The following GALNT11 variants were observed in gnomAD, a reference collection of about 807,000 sequenced individuals.
GALNT11 encodes the protein UDP-GalNAc:polypeptide N-acetylgalactosaminyltransferase 11.
A neutral mutation model predicts 72.7 loss-of-function variants in GALNT11; 47 were observed. That is an observed-to-expected ratio of 0.65 (90% confidence interval 0.51 to 0.82). The LOEUF is 0.82. GALNT11 is among the 40% of genes least tolerant of loss of function. The pLI is 0.00. For synonymous variants in GALNT11, 270 were observed against 286.6 expected, an observed-to-expected ratio of 0.94 and a Z score of 0.58; for missense variants, 677 against 778.4, an observed-to-expected ratio of 0.87 and a Z score of 1.55.
intron 5 of GALNT11, among the ~76,000 whole-genome samples, 154 bp downstream of exon 5, chr7:152,105,524 TGTTCATAACGCCAA>T (rs2087445261): frequency 6.6e-6 from 1 of 152,226 alleles, no homozygotes; most frequent in African/African-American, 2.4e-5. Flanking sequence ...GGGAAAGACC[TGTTCATAACGCCAA>T]GCCTGCCATC....
At chr7:152,089,656 C>T (rs758892231) in intron 1 of GALNT11, among the ~76,000 whole-genome samples, 10 of 152,170 alleles carry the variant, frequency 6.6e-5, no homozygotes, top group Non-Finnish European at 1.5e-4. Context: ...CGAGCTGGAA[C>T]GTGCCCGTGA....
rs144232969 is a variant in GALNT11, at chr7:152,076,666, C to T, written c.-38-17524C>T. Among the ~76,000 whole-genome samples, 404 of 152,274 alleles carry T rather than the reference C, an allele frequency of 2.7e-3. 1 individual carries two copies. Among genetic ancestry groups the T allele is most frequent in the African/African-American group, 9.5e-3 (395 of 41,558 alleles). ...CCCTGTAGTTTGGGCCTGCCCTGCA[C>T]GTGGGCAGATGGGCTTCAGAAGCCA... On this transcript the variant is annotated intron_variant, in intron 1 of 11. Transcript: ENST00000430044.
intron 1 of GALNT11, among the ~76,000 whole-genome samples, chr7:152,086,961 C>T (rs2085687850): frequency 6.6e-6 from 1 of 152,100 alleles, no homozygotes; most frequent in Non-Finnish European, 1.5e-5. Context: ...TATTGCTTAG[C>T]CCAAACAAGA....
chr7:152,109,122 A>G (rs2087903470), intron 6 of GALNT11, among the ~76,000 whole-genome samples: 1 of 152,218 alleles, frequency 6.6e-6, no homozygotes, highest in Non-Finnish European at 1.5e-5. Flanking sequence ...TCTCCGCTTT[A>G]TGTTACCCTG....
At chr7:152,103,068 G>A (rs374411262) in intron 3 of GALNT11, 44 bp from the exon 4 acceptor site, 19 of 1,548,464 alleles carry the variant, frequency 1.2e-5, no homozygotes, top group Admixed American at 3.4e-5. Flanking sequence ...TAAACCATTC[G>A]AGCCTTTTAA....
At chr7:152,112,518 C>G (rs547379536) in intron 7 of GALNT11, among the ~76,000 whole-genome samples, 1 of 146,096 alleles carries the variant, frequency 6.8e-6, no homozygotes, top group Admixed American at 6.9e-5. Context: ...GCCGGGGGGA[C>G]AAGAGCGAGA....
intron 1 of GALNT11, among the ~76,000 whole-genome samples, chr7:152,049,477 C>G (rs138462666): frequency 1.1e-3 from 174 of 152,270 alleles, no homozygotes; most frequent in African/African-American, 4.0e-3. Flanking sequence ...CTTACTCTCT[C>G]CTAAACAAAT....
intron 2 of GALNT11, among the ~76,000 whole-genome samples, chr7:152,095,157 T>A (rs969765086): frequency 1.3e-5 from 2 of 151,740 alleles, no homozygotes; most frequent in Non-Finnish European, 2.9e-5. Flanking sequence ...ATATATAATA[T>A]AGTTTATGAA....
intron 7 of GALNT11, among the ~76,000 whole-genome samples, 188 bp downstream of exon 7, chr7:152,110,833 C>G (rs147253458): frequency 6.6e-6 from 1 of 151,282 alleles, no homozygotes; most frequent in African/African-American, 2.4e-5. Context: ...TGAGCTCAAG[C>G]GATCCTCTTG....
rs371282783 is a variant in GALNT11, at chr7:152,121,000, C to T, written c.1695+32C>T. 2.1e-5 allele frequency: 34 copies of T among 1,600,650 alleles called. 1 individual carries two copies. Among genetic ancestry groups the T allele is most frequent in the South Asian group, 2.1e-4 (19 of 89,626 alleles). ...AGTGCTCGGTGATGTTGGGAGAATG[C>T]GCAGAGGCCCACAAGGTTGAGTGAG... On this transcript the variant is annotated intron_variant, in intron 11 of 11. Transcript: ENST00000430044.
intron 8 of GALNT11, among the ~76,000 whole-genome samples, chr7:152,116,004 C>T (rs762843462): frequency 1.5e-4 from 23 of 151,950 alleles, no homozygotes; most frequent in Non-Finnish European, 2.1e-4. Flanking sequence ...TGTGGTGTGC[C>T]GAGATCGTGC....
At chr7:152,061,345 TTTGAG>T (rs1323072606) in intron 1 of GALNT11, among the ~76,000 whole-genome samples, 3 of 152,234 alleles carry the variant, frequency 2.0e-5, no homozygotes, top group African/African-American at 7.2e-5. Flanking sequence ...TGTAAGTTTG[TTTGAG>T]TTATTTGTAG....
intron 1 of GALNT11, among the ~76,000 whole-genome samples, chr7:152,035,344 G>A (rs188744376): frequency 6.6e-6 from 1 of 152,306 alleles, no homozygotes; most frequent in Non-Finnish European, 1.5e-5. Context: ...GACAGGGAGT[G>A]GTTTCCAGAA....
chr7:152,062,352 A>G (rs1311456884), intron 1 of GALNT11, among the ~76,000 whole-genome samples: 7 of 152,212 alleles, frequency 4.6e-5, no homozygotes, highest in Non-Finnish European at 1.0e-4. Flanking sequence ...TTATCAGCTT[A>G]AGGAGATTTT....
At chr7:152,081,356 C>T (rs1338770282) in intron 1 of GALNT11, among the ~76,000 whole-genome samples, 2 of 152,128 alleles carry the variant, frequency 1.3e-5, no homozygotes, top group South Asian at 2.1e-4. Context: ...CCTCAAAGCC[C>T]GGTATTGTGC....
chr7:152,105,516 G>A, intron 5 of GALNT11, 146 bp downstream of exon 5: 1 of 1,262,564 alleles, frequency 7.9e-7, no homozygotes, highest in Non-Finnish European at 1.1e-6. Flanking sequence ...TTCTGTTTGG[G>A]AAAGACCTGT....
intron 8 of GALNT11, among the ~76,000 whole-genome samples, chr7:152,113,712 CTTTTTTTTTTTTTTTTTTTTTTTTTTTTT>C (rs6150397): frequency 0.49 from 47,353 of 97,582 alleles, 10,339 homozygotes; most frequent in South Asian, 0.62. Context: ...AGTTGGCTTT[CTTTTTTTTTTTTTTTTTTTTTTTTTTTTT>C]TTTTTTTTTT....
intron 1 of GALNT11, among the ~76,000 whole-genome samples, chr7:152,053,159 T>C (rs1305451074): frequency 1.3e-5 from 2 of 152,214 alleles, no homozygotes; most frequent in East Asian, 3.8e-4. Flanking sequence ...GCTGCTAGAA[T>C]TTTCTCCCTA....
intron 1 of GALNT11, among the ~76,000 whole-genome samples, chr7:152,056,570 C>G (rs1168974497): frequency 6.6e-6 from 1 of 152,174 alleles, no homozygotes; most frequent in Non-Finnish European, 1.5e-5. Flanking sequence ...TGAGCATTCC[C>G]TTACCTAGAG....
Sources: allele counts gnomAD v4.1 joint callset (sites outside exome capture counted in the v4.1 genomes callset), GRCh38; gene constraint gnomAD v4.1.1; transcripts MANE v1.5; gene names NCBI Gene and HGNC (gene_info 2026-07-23, HGNC 2026-07-21).